ARK2N: variants seen among roughly 807,000 people sequenced by gnomAD.
The protein encoded by ARK2N is arkadia (RNF111) N-terminal like PKA signaling regulator 2N.
the ARK2N span, among the ~76,000 whole-genome samples, chr18:46,175,074 C>T: frequency 6.6e-6 from 1 of 152,162 alleles, no homozygotes; most frequent in Non-Finnish European, 1.5e-5. Flanking sequence ...AGACTATCGC[C>T]TTTACGCAAG....
the ARK2N span, among the ~76,000 whole-genome samples, chr18:46,185,085 T>C: frequency 6.6e-6 from 1 of 152,270 alleles, no homozygotes; most frequent in Admixed American, 6.5e-5. Context: ...TATTTTCATA[T>C]ACAAATGAAT....
At chr18:46,224,443 A>G in the ARK2N span, among the ~76,000 whole-genome samples, 1 of 152,210 alleles carries the variant, frequency 6.6e-6, no homozygotes, top group Non-Finnish European at 1.5e-5. Context: ...ATGATTGAGT[A>G]TGGGCCAGCT....
the ARK2N span, among the ~76,000 whole-genome samples, chr18:46,208,140 G>T: frequency 1.3e-5 from 2 of 152,038 alleles, no homozygotes; most frequent in Non-Finnish European, 1.5e-5. Flanking sequence ...CCTTACTATT[G>T]CCTGGAAATT....
At chr18:46,259,002 GT>G in the ARK2N span, among the ~76,000 whole-genome samples, 1 of 151,398 alleles carries the variant, frequency 6.6e-6, no homozygotes, top group African/African-American at 2.4e-5. Context: ...TAGATTGACT[GT>G]TTTTTCCCTC....
the ARK2N span, among the ~76,000 whole-genome samples, chr18:46,210,809 GC>G: frequency 6.6e-6 from 1 of 152,030 alleles, no homozygotes; most frequent in African/African-American, 2.4e-5. Context: ...ACTTGAGGGG[GC>G]TGAGGCGGGA....
chr18:46,203,561 C>T, the ARK2N span, among the ~76,000 whole-genome samples: 2 of 152,114 alleles, frequency 1.3e-5, no homozygotes, highest in East Asian at 1.9e-4. Flanking sequence ...GCACACTTAA[C>T]GATGTGCATT....
chr18:46,220,315 C>G, the ARK2N span, among the ~76,000 whole-genome samples: 1 of 152,188 alleles, frequency 6.6e-6, no homozygotes, highest in African/African-American at 2.4e-5. Flanking sequence ...AGCCCCACTT[C>G]AAGACAAAAT....
chr18:46,259,501 C>G, the ARK2N span, among the ~76,000 whole-genome samples: 1 of 152,160 alleles, frequency 6.6e-6, no homozygotes. Flanking sequence ...CTCGGCCTCC[C>G]AAGGTGCTGG....
At chr18:46,248,520 A>T in the ARK2N span, among the ~76,000 whole-genome samples, 1 of 151,854 alleles carries the variant, frequency 6.6e-6, no homozygotes, top group Admixed American at 6.6e-5. Flanking sequence ...TTTTCCTTCT[A>T]CCCCTCCTTA....
the ARK2N span, among the ~76,000 whole-genome samples, chr18:46,185,275 AT>A: frequency 6.6e-6 from 1 of 152,190 alleles, no homozygotes; most frequent in Admixed American, 6.5e-5. Flanking sequence ...AAGTAAAAAC[AT>A]TTAGGTGCAT....
chr18:46,237,411 A>G, the ARK2N span, among the ~76,000 whole-genome samples: 1 of 144,008 alleles, frequency 6.9e-6, no homozygotes, highest in Admixed American at 7.1e-5. Flanking sequence ...TTTTTGAGGC[A>G]GAGCCTTGAT....
At chr18:46,256,763 C>G in the ARK2N span, among the ~76,000 whole-genome samples, 1 of 152,110 alleles carries the variant, frequency 6.6e-6, no homozygotes, top group Non-Finnish European at 1.5e-5. Context: ...TTCACTGACT[C>G]CTTTATTATT....
the ARK2N span, among the ~76,000 whole-genome samples, chr18:46,213,553 T>A: frequency 6.6e-6 from 1 of 152,232 alleles, no homozygotes; most frequent in Non-Finnish European, 1.5e-5. Context: ...CTGTTGGCTT[T>A]CAGAGGTGTT....
chr18:46,227,078 G>T, the ARK2N span, among the ~76,000 whole-genome samples: 1 of 152,066 alleles, frequency 6.6e-6, no homozygotes, highest in Admixed American at 6.5e-5. Context: ...CAAAGTGTTG[G>T]GATTACAGGC....
chr18:46,198,866 G>A, the ARK2N span, among the ~76,000 whole-genome samples: 1 of 152,074 alleles, frequency 6.6e-6, no homozygotes, highest in Admixed American at 6.6e-5. Context: ...CAAAGTGCTG[G>A]GATTACGGAT....
chr18:46,249,802 T>C, the ARK2N span, among the ~76,000 whole-genome samples: 1 of 152,146 alleles, frequency 6.6e-6, no homozygotes, highest in Non-Finnish European at 1.5e-5. Flanking sequence ...CTTCTTAAAC[T>C]GTGTTTGCTC....
chr18:46,193,595 T>G, the ARK2N span, among the ~76,000 whole-genome samples: 1 of 135,686 alleles, frequency 7.4e-6, no homozygotes, highest in Non-Finnish European at 1.6e-5. Flanking sequence ...AGCCGGGTTT[T>G]TTTTTTTTTT....
At chr18:46,189,232 AAAAAAAT>A in the ARK2N span, among the ~76,000 whole-genome samples, 6 of 150,630 alleles carry the variant, frequency 4.0e-5, no homozygotes, top group Non-Finnish European at 4.4e-5. Context: ...AAAAAAAAAA[AAAAAAAT>A]CAAAGTTTAT....
chr18:46,179,885 A>G, the ARK2N span, among the ~76,000 whole-genome samples: 1 of 152,192 alleles, frequency 6.6e-6, no homozygotes, highest in East Asian at 1.9e-4. Flanking sequence ...TTGGCCTCCC[A>G]AAGTGCTGGG....
Sources: gnomAD v4.1 joint callset for allele counts (sites outside exome capture counted in the v4.1 genomes callset) on GRCh38, gnomAD v4.1.1 for gene constraint, MANE v1.5 for transcripts, NCBI Gene and HGNC (gene_info 2026-07-23, HGNC 2026-07-21) for gene names.